EXOC4: variants seen among roughly 807,000 people sequenced by gnomAD.
The protein encoded by EXOC4 is SEC8-like 1.
Under a neutral mutation model 107.2 loss-of-function variants are expected in EXOC4, and 71 were observed. The ratio of observed to expected loss-of-function variants is 0.66; its 90% CI spans 0.55 to 0.81. The LOEUF (loss-of-function observed/expected upper bound fraction) is 0.81, where lower values mean the gene tolerates loss of function less well. EXOC4 is among the 30% of genes least tolerant of loss of function. The pLI, the probability that EXOC4 is intolerant of heterozygous loss-of-function variation, is 0.00. For synonymous variants in EXOC4, 456 were observed against 441.2 expected (o/e 1.03, Z -0.42); for missense variants, 1,108 against 1,189.6 (o/e 0.93, Z 1.01).
rs67720946 is a variant in EXOC4, at chr7:133,941,821, T to TTCTC, written c.2206+3779_2206+3782dup. On this transcript the variant is annotated intron_variant, in intron 14 of 17. Coordinates refer to ENST00000253861, the MANE Select transcript of EXOC4 (RefSeq NM_021807.4). Reference sequence around the variant, plus strand: ...GTCAGGTCCCAGGCATGCTTACAGATTCTCTCTCTCTCTCTCTCTCTCTCT... The same window carrying TTCTC: ...GTCAGGTCCCAGGCATGCTTACAGATTCTCTCTCTCTCTCTCTCTCTCTCTCTCT... Among the ~76,000 whole-genome samples the TTCTC allele has an allele frequency of 8.2e-3, 1,057 of 129,606 alleles. 28 individuals carry two copies. The highest frequency in any genetic ancestry group is 0.011 in the African/African-American group (384 of 36,114). 85.0% of individuals were successfully genotyped at this position (129,606 alleles called of 152,430 possible). A position where few individuals can be genotyped will look rare whatever the true frequency, so the allele number is the denominator to read the frequency against.
At chr7:133,654,188 G>A (rs890667723) in intron 10 of EXOC4, among the ~76,000 whole-genome samples, 1 of 152,142 alleles carries the variant, frequency 6.6e-6, no homozygotes, top group Non-Finnish European at 1.5e-5. Context: ...ATATACCTTA[G>A]TAGGAATTTA....
intron 9 of EXOC4, among the ~76,000 whole-genome samples, chr7:133,511,618 TG>T (rs1799770455): frequency 6.6e-6 from 1 of 152,172 alleles, no homozygotes; most frequent in South Asian, 2.1e-4. Context: ...TATTCCAATG[TG>T]GCATATTTTG....
intron 14 of EXOC4, among the ~76,000 whole-genome samples, chr7:133,948,182 G>A (rs191612847): frequency 6.6e-5 from 10 of 152,280 alleles, no homozygotes; most frequent in Admixed American, 2.0e-4. Context: ...ACCTGAAGGC[G>A]CTGATTGTGC....
intron 2 of EXOC4, among the ~76,000 whole-genome samples, chr7:133,282,088 C>G (rs963010602): frequency 3.3e-5 from 5 of 152,152 alleles, no homozygotes; most frequent in Admixed American, 6.5e-5. Context: ...CTATATAGAT[C>G]TCTGGTCTTC....
chr7:133,975,516 A>C (rs1214719782), intron 14 of EXOC4, among the ~76,000 whole-genome samples: 1 of 152,192 alleles, frequency 6.6e-6, no homozygotes, highest in Non-Finnish European at 1.5e-5. Flanking sequence ...CAGCAAAGAA[A>C]GTAAACACTA....
At chr7:133,903,070 G>A (rs1305661311) in intron 12 of EXOC4, among the ~76,000 whole-genome samples, 1 of 152,182 alleles carries the variant, frequency 6.6e-6, no homozygotes, top group Non-Finnish European at 1.5e-5. Context: ...CACTGGCACA[G>A]GGCAAAGGCC....
intron 7 of EXOC4, among the ~76,000 whole-genome samples, chr7:133,468,218 A>G (rs1798779537): frequency 6.6e-6 from 1 of 152,218 alleles, no homozygotes; most frequent in Non-Finnish European, 1.5e-5. Flanking sequence ...ATTCTGAACA[A>G]TAATGAACCA....
intron 11 of EXOC4, among the ~76,000 whole-genome samples, chr7:133,876,821 GT>G (rs1330946786): frequency 6.6e-6 from 1 of 151,526 alleles, no homozygotes; most frequent in African/African-American, 2.4e-5. Context: ...TTTTTGTTTT[GT>G]TTTGTTTTGT....
chr7:133,660,847 A>G (rs1480495571), intron 10 of EXOC4, among the ~76,000 whole-genome samples: 1 of 152,140 alleles, frequency 6.6e-6, no homozygotes, highest in East Asian at 1.9e-4. Context: ...CACTGCCTGG[A>G]GGGAGAGAAC....
chr7:133,726,583 A>G (rs994178601), intron 10 of EXOC4, among the ~76,000 whole-genome samples: 4 of 152,186 alleles, frequency 2.6e-5, no homozygotes, highest in African/African-American at 9.6e-5. Flanking sequence ...AGGCTCTGCA[A>G]TTTTGCATTT....
At chr7:133,781,394 G>A (rs1468685752) in intron 10 of EXOC4, among the ~76,000 whole-genome samples, 1 of 152,236 alleles carries the variant, frequency 6.6e-6, no homozygotes, top group Non-Finnish European at 1.5e-5. Context: ...ACACTGAGGT[G>A]CCATTAAAAG....
chr7:133,886,679 A>T (rs1230300557), intron 11 of EXOC4, among the ~76,000 whole-genome samples: 1 of 152,220 alleles, frequency 6.6e-6, no homozygotes, highest in Admixed American at 6.5e-5. Flanking sequence ...ATAATGAAGA[A>T]AATCAGGGTT....
chr7:133,932,581 T>C (rs1800204481), intron 13 of EXOC4, among the ~76,000 whole-genome samples: 1 of 152,202 alleles, frequency 6.6e-6, no homozygotes, highest in Non-Finnish European at 1.5e-5. Context: ...TATACACACA[T>C]TTCCTTGCCA....
chr7:133,629,860 C>A (rs959011121), intron 9 of EXOC4, among the ~76,000 whole-genome samples, 185 bp from the exon 10 acceptor site: 2 of 151,958 alleles, frequency 1.3e-5, no homozygotes, highest in Non-Finnish European at 2.9e-5. Context: ...AAATTCTAAT[C>A]TGTTGTTTAT....
intron 2 of EXOC4, among the ~76,000 whole-genome samples, chr7:133,287,309 A>G (rs1029281914): frequency 6.6e-6 from 1 of 151,950 alleles, no homozygotes; most frequent in East Asian, 1.9e-4. Context: ...TTATATATAT[A>G]TATATGTATA....
At chr7:133,326,842 G>A (rs1795256346) in intron 5 of EXOC4, among the ~76,000 whole-genome samples, 1 of 152,234 alleles carries the variant, frequency 6.6e-6, no homozygotes, top group African/African-American at 2.4e-5. Context: ...TCCTTGAGCT[G>A]TGGTGGGCTC....
intron 10 of EXOC4, among the ~76,000 whole-genome samples, chr7:133,804,136 T>A (rs1797014774): frequency 6.6e-6 from 1 of 152,166 alleles, no homozygotes; most frequent in Non-Finnish European, 1.5e-5. Flanking sequence ...TGAACCACTG[T>A]AGAAAAATAA....
chr7:133,938,786 G>A (rs574243292), intron 14 of EXOC4, among the ~76,000 whole-genome samples: 3 of 152,274 alleles, frequency 2.0e-5, no homozygotes, highest in South Asian at 4.1e-4. Context: ...ATATGAAGAA[G>A]GCATAAAGGA....
chr7:133,330,364 C>T lies in EXOC4; in HGVS notation c.763+12974C>T, dbSNP rs529361178. Among the ~76,000 whole-genome samples, 105 of 152,074 alleles carry T rather than the reference C, an allele frequency of 6.9e-4. 4 individuals are homozygous for T. In the South Asian group the frequency reaches 0.021, roughly 30 times the overall value. On this transcript the variant is annotated intron_variant, in intron 5 of 17. Transcript: ENST00000253861. ...ACTAGATCTTAAGTTACCTATGCTC[C>T]GTGGGGGTGGGACCCACTGAGCCAG...
Sources: allele counts gnomAD v4.1 joint callset (sites outside exome capture counted in the v4.1 genomes callset), GRCh38; gene constraint gnomAD v4.1.1; transcripts MANE v1.5; gene names NCBI Gene and HGNC (gene_info 2026-07-23, HGNC 2026-07-21).